Variants in TNK2 observed in about 807,000 individuals in gnomAD.
TNK2 encodes the protein tyrosine kinase non receptor 2.
TNK2 carries 83 observed loss-of-function variants against 101.8 expected under a neutral mutation model. The observed-to-expected ratio is 0.82, with a 90% CI of 0.68 to 0.98. The LOEUF (loss-of-function observed/expected upper bound fraction) is 0.98, where lower values mean the gene tolerates loss of function less well. TNK2 is among the 50% of genes least tolerant of loss of function. TNK2 has a pLI of 0.00. For missense variants in TNK2, 1,665 were observed against 1,483.2 expected (o/e 1.12, Z -2.01); for synonymous variants, 804 against 633.0 (o/e 1.27, Z -4.06).
At chr3:195,904,232 T>TGG (rs1761511365) in intron 1 of TNK2, among the ~76,000 whole-genome samples, 1 of 144,024 alleles carries the variant, frequency 6.9e-6, no homozygotes, top group Admixed American at 7.1e-5. Flanking sequence ...CTCTCCGGCC[T>TGG]GGGAGACAGA....
chr3:195,878,648 T>C lies in TNK2; in HGVS notation c.1015-56A>G. The C allele has an allele frequency of 6.3e-7, 1 of 1,579,096 alleles. No individual in the cohort carries two copies. Among genetic ancestry groups the C allele is most frequent in the Non-Finnish European group, 8.6e-7 (1 of 1,161,190 alleles). On this transcript the variant is annotated intron_variant, in intron 7 of 15. Transcript: ENST00000672887. This position sits in a 1 kb window ranked among gnomAD's most constrained non-coding sequence, Gnocchi z 4.7. ...CAAACAGAGCGCCCAGCCCTTCACTTCCCGCCTTCCCTCCAGCCCATCCAC... is the reference window on the plus strand; with the variant it reads ...CAAACAGAGCGCCCAGCCCTTCACTCCCCGCCTTCCCTCCAGCCCATCCAC...
chr3:195,864,821 C>T (rs560953891), intron 15 of TNK2, among the ~76,000 whole-genome samples: 2,205 of 142,698 alleles, frequency 0.015, 53 homozygotes, highest in African/African-American at 0.056. Context: ...GGAGTGCCTG[C>T]GTCCCAGGTG....
Position 195,884,801 on chromosome 3 carries a change from A to T in TNK2, c.456+11T>A. The T allele has an allele frequency of 6.2e-7, 1 of 1,602,900 alleles. No individual in the cohort carries two copies. Among genetic ancestry groups the T allele is most frequent in the Non-Finnish European group, 8.5e-7 (1 of 1,175,726 alleles). ...TGCCTCTGCTGCGCTGGCAGGACACAGAGAGCTCACCGTCTTCCCTGAGGG... is the reference window on the plus strand; with the variant it reads ...TGCCTCTGCTGCGCTGGCAGGACACTGAGAGCTCACCGTCTTCCCTGAGGG... On this transcript the variant is annotated intron_variant, in intron 4 of 15. Transcript: ENST00000672887.
In TNK2 at chr3:195,884,957, GC is replaced by G; in HGVS notation, c.310del (p.Ala104ProfsTer50). ...CCCCTCCCCTGCTGGGCCCCCAGGG[GC>G]GGGCGAGGTCTTCCGGAAGGTGCTC... is the stretch of plus-strand genomic sequence containing the variant. ...SQSTFRKTSPAPGGPAGEGPL... is the reference protein window; with the variant it reads ...SQSTFRKTSPXPGGPAGEGPL... On this transcript the variant is annotated frameshift_variant, in exon 4 of 16. Coordinates refer to ENST00000672887, the MANE Select transcript of TNK2 (RefSeq NM_001382273.1). LOFTEE classifies it high-confidence loss of function. The G allele has an allele frequency of 6.2e-7, 1 of 1,613,886 alleles. No individual in the cohort carries two copies. Among genetic ancestry groups the G allele is most frequent in the African/African-American group, 1.3e-5 (1 of 75,046 alleles).
chr3:195,882,590 G>C lies in TNK2; in HGVS notation c.610-262C>G. ...TTCCAAAACTCAGCTGGACGTGGTGGCTCACGCCTGTAATCCCAGCACTTT... is the reference window on the plus strand; with the variant it reads ...TTCCAAAACTCAGCTGGACGTGGTGCCTCACGCCTGTAATCCCAGCACTTT... On this transcript the variant is annotated intron_variant, in intron 5 of 15. Transcript: ENST00000672887. The surrounding 1 kb of genome is among the most constrained non-coding windows in gnomAD (Gnocchi z 4.2). The C allele has an allele frequency of 7.0e-7, 1 of 1,423,022 alleles. No homozygotes were observed. Among genetic ancestry groups the C allele is most frequent in the South Asian group, 1.2e-5 (1 of 81,548 alleles). The allele number at this position is 1,423,022 out of a possible 1,614,324, so 88.1% of individuals were successfully genotyped here.
chr3:195,902,257 T>G (rs1447232897), intron 1 of TNK2, among the ~76,000 whole-genome samples: 1 of 152,036 alleles, frequency 6.6e-6, no homozygotes, highest in African/African-American at 2.4e-5. Flanking sequence ...CCCGGAAACC[T>G]CTGGAAGAAG....
chr3:195,896,089 C>G (rs886959548), intron 1 of TNK2: 2 of 455,808 alleles, frequency 4.4e-6, no homozygotes, highest in South Asian at 3.1e-5. Flanking sequence ...AGGGCCCGGA[C>G]TCCTGCTCAA....
chr3:195,869,662 C>A (rs576396451), intron 11 of TNK2, 121 bp from the exon 12 acceptor site: 2 of 1,019,554 alleles, frequency 2.0e-6, no homozygotes, highest in Admixed American at 2.0e-5. Context: ...TGAATGGGGG[C>A]GAGTGAATGT....
At position 195,867,883 on chromosome 3, in the gene TNK2, C is replaced by A; in HGVS notation, c.2415G>T (p.Arg805Ser). Residue 805 changes from arginine (R) to serine (S), a missense_variant, in exon 13 of 16, where the codon AGG (arginine) becomes AGT (serine). By Grantham distance (110) the Arg-to-Ser change is moderately radical. Coordinates refer to ENST00000672887, the MANE Select transcript of TNK2 (RefSeq NM_001382273.1). Reference sequence around the variant, plus strand: ...CAGGTGGTACCAGGGGGCTGGGTGTCCTCGAGCCTTGAGGGGACAGGGGCT... The same window carrying A: ...CAGGTGGTACCAGGGGGCTGGGTGTACTCGAGCCTTGAGGGGACAGGGGCT... ...PREPLSPQGS[R>S]TPSPLVPPGS... 1 of 1,529,726 alleles carries A rather than the reference C, an allele frequency of 6.5e-7. No individual in the cohort carries two copies. Among genetic ancestry groups the A allele is most frequent in the Non-Finnish European group, 8.7e-7 (1 of 1,145,950 alleles). 94.8% of individuals were successfully genotyped at this position (1,529,726 alleles called of 1,614,324 possible).
At chr3:195,865,819 G>A (rs941483032) in intron 15 of TNK2, among the ~76,000 whole-genome samples, 2 of 152,084 alleles carry the variant, frequency 1.3e-5, no homozygotes, top group Non-Finnish European at 2.9e-5. Flanking sequence ...GCATCCTGGC[G>A]CCAGGCGTGC....
At position 195,868,617 on chromosome 3, in the gene TNK2, G is replaced by A. The variant is rs994284668; in HGVS notation, c.1681C>T (p.Leu561=). Reference sequence around the variant, plus strand: ...CGCGCCGAGGGCTTCGCCAGCCACAGCCCTCGGGGCAGGCCTGGCTTCCGC... The same window carrying A: ...CGCGCCGAGGGCTTCGCCAGCCACAACCCTCGGGGCAGGCCTGGCTTCCGC... ...GLRKPGLPRG[L]WLAKPSARVP... is the part of the protein sequence containing the mutation. Residue 561 remains leucine, a synonymous_variant, in exon 13 of 16, where the codon CTG becomes TTG. Transcript: ENST00000672887. The A allele has an allele frequency of 6.3e-7, 1 of 1,589,202 alleles. No homozygotes were observed. The highest frequency in any genetic ancestry group is 1.1e-5 in the South Asian group (1 of 90,236).
intron 10 of TNK2, among the ~76,000 whole-genome samples, chr3:195,871,428 C>T (rs1445204072): frequency 6.6e-6 from 1 of 152,072 alleles, no homozygotes; most frequent in African/African-American, 2.4e-5. Flanking sequence ...CCCATGTGGA[C>T]CTGCATACAT....
chr3:195,863,860 A>C lies in TNK2; in HGVS notation c.*321T>G. The C allele has an allele frequency of 2.7e-6, 1 of 367,786 alleles. No individual in the cohort carries two copies. Among genetic ancestry groups the C allele is most frequent in the Admixed American group, 4.1e-5 (1 of 24,250 alleles). The allele number at this position is 367,786 out of a possible 1,614,324, so 22.8% of individuals were successfully genotyped here. On this transcript the variant is annotated 3_prime_UTR_variant, in exon 16 of 16. Transcript: ENST00000672887. ...GGCCTGGGGGTACTACTCCACCCACAGGCCCCGCCCAGGACCAGGGCCAGA... is the reference window on the plus strand; with the variant it reads ...GGCCTGGGGGTACTACTCCACCCACCGGCCCCGCCCAGGACCAGGGCCAGA...
intron 1 of TNK2, among the ~76,000 whole-genome samples, chr3:195,905,356 C>T (rs906791132): frequency 6.6e-6 from 1 of 152,010 alleles, no homozygotes; most frequent in East Asian, 1.9e-4. Flanking sequence ...CCCGCCACCA[C>T]GCCTGGCTAA....
At chr3:195,869,951 C>T (rs893981794) in intron 11 of TNK2, 163 bp downstream of exon 11, 9 of 611,558 alleles carry the variant, frequency 1.5e-5, no homozygotes, top group South Asian at 4.9e-5. Flanking sequence ...GCCTGTCTTC[C>T]ACCCCACGCC....
Position 195,869,478 on chromosome 3 carries a change from C to A in TNK2, c.1588+19G>T, listed in dbSNP as rs925319791. The A allele has an allele frequency of 1.9e-5, 29 of 1,549,784 alleles. No homozygotes were observed. Among genetic ancestry groups the A allele is most frequent in the African/African-American group, 1.5e-4 (11 of 72,996 alleles). On this transcript the variant is annotated intron_variant, in intron 12 of 15. Transcript: ENST00000672887. ...GGGGCGGGGGCGGGGGCCAAGGCAT[C>A]GGAAGCAGCCCCACTTACTCTGAGT...
chr3:195,879,452 A>T (rs1751200350), intron 6 of TNK2: 2 of 344,580 alleles, frequency 5.8e-6, no homozygotes, highest in African/African-American at 2.1e-5. Flanking sequence ...GAAAGGAAGG[A>T]GGTCAGAGGC....
rs34513179 is a variant in TNK2, at chr3:195,894,426, CT to C, written c.-18-5821del. The C allele has an allele frequency of 3.0e-3, 436 of 146,960 alleles. 3 individuals carry two copies. Among genetic ancestry groups the C allele is most frequent in the Non-Finnish European group, 4.4e-3 (290 of 66,388 alleles). 9.1% of individuals were successfully genotyped at this position (146,960 alleles called of 1,614,324 possible). A position where few individuals can be genotyped will look rare whatever the true frequency, so the allele number is the denominator to read the frequency against. ...GGCCGGCTCCTGGAACCCCCACCCC[CT>C]TTTTTTTTTTGAGAGTCTTGCTCTA... On this transcript the variant is annotated intron_variant, in intron 1 of 15. Coordinates refer to ENST00000672887, the MANE Select transcript of TNK2 (RefSeq NM_001382273.1).
At position 195,863,996 on chromosome 3, in the gene TNK2, G is replaced by A. The variant is rs1218234989; in HGVS notation, c.*185C>T. ...CTGAACCAAAGTGTGCAGGGACAGC[G>A]CTGGTGCAGGAGGGATGGGCAGGGC... is the stretch of plus-strand genomic sequence containing the variant. On this transcript the variant is annotated 3_prime_UTR_variant, in exon 16 of 16. Coordinates refer to ENST00000672887, the MANE Select transcript of TNK2 (RefSeq NM_001382273.1). The A allele has an allele frequency of 3.3e-5, 23 of 699,590 alleles. No homozygotes were observed. The highest frequency in any genetic ancestry group is 1.1e-4 in the South Asian group (6 of 55,662). The allele number at this position is 699,590 out of a possible 1,614,324, so 43.3% of individuals were successfully genotyped here.
Sources: allele counts gnomAD v4.1 joint callset (sites outside exome capture counted in the v4.1 genomes callset), GRCh38; gene constraint gnomAD v4.1.1; non-coding constraint Gnocchi (gnomAD v3.1); transcripts MANE v1.5; gene names NCBI Gene and HGNC (gene_info 2026-07-23, HGNC 2026-07-21).